KCNIP4: variants seen among roughly 807,000 people sequenced by gnomAD.
The protein encoded by KCNIP4 is potassium voltage-gated channel interacting protein 4.
Under a neutral mutation model 34.0 loss-of-function variants are expected in KCNIP4, and 12 were observed. The observed-to-expected ratio is 0.35, with a 90% CI of 0.23 to 0.57. The LOEUF is 0.57. KCNIP4 is among the 20% of genes least tolerant of loss of function. KCNIP4 has a pLI of 0.83. For missense variants in KCNIP4, 238 were observed against 311.7 expected, an observed-to-expected ratio of 0.76 and a Z score of 1.78; for synonymous variants, 124 against 102.2, an observed-to-expected ratio of 1.21 and a Z score of -1.29.
intron 1 of KCNIP4, among the ~76,000 whole-genome samples, chr4:21,157,754 T>C (rs773558606): frequency 1.3e-5 from 2 of 152,162 alleles, no homozygotes; most frequent in Non-Finnish European, 2.9e-5. Flanking sequence ...CCTTAACTTC[T>C]ACCTTAACAA....
intron 1 of KCNIP4, among the ~76,000 whole-genome samples, chr4:21,168,042 A>G (rs1031389499): frequency 1.3e-5 from 2 of 152,190 alleles, no homozygotes; most frequent in Non-Finnish European, 2.9e-5. Flanking sequence ...CTTTTAAACC[A>G]TCTTGATTTC....
rs116630727 is a variant in KCNIP4 at position 20,910,782 on chromosome 4, T to A, written c.62-28073A>T. On this transcript the variant is annotated intron_variant, in intron 1 of 8. Coordinates refer to ENST00000382152, the MANE Select transcript of KCNIP4 (RefSeq NM_025221.6). ...TCTTCTTAGTGTTTGTAAAGCAATC[T>A]GATGGCATTGCACTGAAGATATAGT... Among the ~76,000 whole-genome samples the A allele has an allele frequency of 8.0e-3, 1,225 of 152,294 alleles. 6 individuals carry two copies. Among genetic ancestry groups the A allele is most frequent in the Non-Finnish European group, 0.013 (884 of 68,026 alleles).
intron 1 of KCNIP4, among the ~76,000 whole-genome samples, chr4:21,578,332 CAAAAAAAAAAAAAA>C (rs71191522): frequency 1.3e-5 from 1 of 75,128 alleles, no homozygotes; most frequent in African/African-American, 5.3e-5. Context: ...GACTCCGTCT[CAAAAAAAAAAAAAA>C]AAAAAAAAAA....
chr4:21,652,356 A>G (rs1196822397), intron 1 of KCNIP4, among the ~76,000 whole-genome samples: 2 of 152,200 alleles, frequency 1.3e-5, no homozygotes, highest in Admixed American at 6.5e-5. Context: ...CTCTTTTGGT[A>G]CCATTTTGAT....
chr4:21,304,011 A>G (rs1578049867), intron 1 of KCNIP4: 2 of 1,178,264 alleles, frequency 1.7e-6, no homozygotes. Context: ...TGCTGGAGAA[A>G]GGGGAGGAGG....
intron 1 of KCNIP4, among the ~76,000 whole-genome samples, chr4:20,883,990 T>C (rs1725001785): frequency 6.6e-6 from 1 of 152,192 alleles, no homozygotes; most frequent in Non-Finnish European, 1.5e-5. Flanking sequence ...TTCTGGGCCA[T>C]CCACTATTGG....
intron 2 of KCNIP4, among the ~76,000 whole-genome samples, chr4:20,868,199 C>T (rs1723065204): frequency 6.6e-6 from 1 of 152,136 alleles, no homozygotes; most frequent in Non-Finnish European, 1.5e-5. Context: ...CATGAATCAA[C>T]ATTTCTCAAA....
intron 1 of KCNIP4, among the ~76,000 whole-genome samples, chr4:21,579,708 G>A (rs1247890849): frequency 6.6e-6 from 1 of 152,128 alleles, no homozygotes; most frequent in Non-Finnish European, 1.5e-5. Flanking sequence ...TGTTCTCAGA[G>A]TAAATGGATA....
chr4:20,773,447 G>C (rs1379535622), intron 3 of KCNIP4, among the ~76,000 whole-genome samples: 1 of 152,096 alleles, frequency 6.6e-6, no homozygotes, highest in Non-Finnish European at 1.5e-5. Context: ...TCCATGCCAG[G>C]CAAAATGACC....
chr4:20,792,016 T>C (rs945539210), intron 3 of KCNIP4, among the ~76,000 whole-genome samples: 8 of 152,184 alleles, frequency 5.3e-5, no homozygotes. Flanking sequence ...TAAACTTCTA[T>C]ATATACATCT....
chr4:21,675,108 C>G (rs1749787773), intron 1 of KCNIP4, among the ~76,000 whole-genome samples: 1 of 152,050 alleles, frequency 6.6e-6, no homozygotes, highest in South Asian at 2.1e-4. Flanking sequence ...GGAGTACTAT[C>G]TAGCCATTGA....
At chr4:21,935,191 C>A (rs1249835895) in intron 1 of KCNIP4, among the ~76,000 whole-genome samples, 1 of 152,022 alleles carries the variant, frequency 6.6e-6, no homozygotes, top group Admixed American at 6.6e-5. Context: ...AACCTTCCAC[C>A]AACACCCTTC....
chr4:21,613,499 T>A (rs1220378483), intron 1 of KCNIP4: 1 of 152,170 alleles, frequency 6.6e-6, no homozygotes, highest in African/African-American at 2.4e-5. Context: ...TGCAACCTCA[T>A]GAGAGACCCC....
chr4:21,350,257 C>T (rs547547841), intron 1 of KCNIP4, among the ~76,000 whole-genome samples: 17 of 152,100 alleles, frequency 1.1e-4, no homozygotes, highest in Admixed American at 6.5e-4. Context: ...CATTCAGCAA[C>T]GTCTTTTATA....
intron 1 of KCNIP4, among the ~76,000 whole-genome samples, chr4:21,314,758 T>C (rs1383528969): frequency 6.6e-6 from 1 of 152,212 alleles, no homozygotes; most frequent in Non-Finnish European, 1.5e-5. Context: ...GGCTACCTAG[T>C]GTGGTTAGAC....
intron 1 of KCNIP4, among the ~76,000 whole-genome samples, chr4:21,872,177 A>G (rs1725858899): frequency 6.6e-6 from 1 of 152,010 alleles, no homozygotes; most frequent in Non-Finnish European, 1.5e-5. Context: ...GATCCTGACT[A>G]CAAAAGGTTG....
intron 1 of KCNIP4, among the ~76,000 whole-genome samples, chr4:21,459,460 T>C (rs1729256962): frequency 1.3e-5 from 2 of 152,050 alleles, no homozygotes; most frequent in South Asian, 2.1e-4. Context: ...CATTTAGACT[T>C]TCCAGTTTGT....
chr4:21,615,082 A>G (rs1744482658), intron 1 of KCNIP4, among the ~76,000 whole-genome samples: 1 of 152,172 alleles, frequency 6.6e-6, no homozygotes, highest in Non-Finnish European at 1.5e-5. Flanking sequence ...AACTAGGAAG[A>G]TAAGAGTAGC....
intron 1 of KCNIP4, among the ~76,000 whole-genome samples, chr4:21,504,482 AGAAAG>A (rs1733655806): frequency 3.0e-5 from 4 of 131,846 alleles, no homozygotes; most frequent in South Asian, 2.2e-4. Flanking sequence ...AAAAAAAGAA[AGAAAG>A]AAAGAAAGAA....
Sources: gnomAD v4.1 joint callset for allele counts (sites outside exome capture counted in the v4.1 genomes callset) on GRCh38, gnomAD v4.1.1 for gene constraint, MANE v1.5 for transcripts, NCBI Gene and HGNC (gene_info 2026-07-23, HGNC 2026-07-21) for gene names.